FHIT: variants seen among roughly 807,000 people sequenced by gnomAD.
The protein encoded by FHIT is bis(5'-adenosyl)-triphosphatase.
A neutral mutation model predicts 17.9 loss-of-function variants in FHIT; 19 were observed. The ratio of observed to expected loss-of-function variants is 1.06; its 90% confidence interval spans 0.74 to 1.56. The LOEUF (loss-of-function observed/expected upper bound fraction) is 1.56. Among genes scored for constraint, FHIT ranks in the 40% most tolerant of loss-of-function variants. The pLI, the probability that FHIT is intolerant of heterozygous loss-of-function variation, is 0.00. For synonymous variants in FHIT, 81 were observed against 69.7 expected, an observed-to-expected ratio of 1.16 and a Z score of -0.81; for missense variants, 248 against 189.2, an observed-to-expected ratio of 1.31 and a Z score of -1.82.
intron 4 of FHIT, among the ~76,000 whole-genome samples, chr3:60,677,620 A>T (rs2040653390): frequency 9.3e-6 from 1 of 107,202 alleles, no homozygotes; most frequent in African/African-American, 3.3e-5. Context: ...ATGTGTATAC[A>T]TATGTATATG....
chr3:59,887,113 T>G (rs748851164), intron 8 of FHIT, among the ~76,000 whole-genome samples: 8 of 152,166 alleles, frequency 5.3e-5, no homozygotes, highest in Non-Finnish European at 1.2e-4. Context: ...AAAGCAATTG[T>G]GCAGGGATTC....
At chr3:60,814,881 G>T (rs1191963926) in intron 4 of FHIT, among the ~76,000 whole-genome samples, 2 of 145,804 alleles carry the variant, frequency 1.4e-5, no homozygotes, top group African/African-American at 2.5e-5. Flanking sequence ...GTTTTTTTTT[G>T]TTTGTTTAGT....
chr3:61,007,849 A>C (rs2031553289), intron 3 of FHIT, among the ~76,000 whole-genome samples: 1 of 152,056 alleles, frequency 6.6e-6, no homozygotes. Flanking sequence ...GGTTCTGGGG[A>C]GATATATCAC....
At chr3:60,708,887 G>T (rs1422587674) in intron 4 of FHIT, among the ~76,000 whole-genome samples, 1 of 152,162 alleles carries the variant, frequency 6.6e-6, no homozygotes, top group African/African-American at 2.4e-5. Flanking sequence ...CTCCATGGGG[G>T]GCTGTAGCTA....
At chr3:60,694,912 T>G (rs1316254285) in intron 4 of FHIT, among the ~76,000 whole-genome samples, 1 of 151,510 alleles carries the variant, frequency 6.6e-6, no homozygotes, top group East Asian at 1.9e-4. Flanking sequence ...CGGGGCCTGT[T>G]GTGGGGTGTG....
chr3:61,106,514 G>A (rs2035992880), intron 2 of FHIT, among the ~76,000 whole-genome samples: 1 of 151,936 alleles, frequency 6.6e-6, no homozygotes, highest in Non-Finnish European at 1.5e-5. Context: ...GCTTCTATGA[G>A]CTTGGCTTTT....
At chr3:60,506,376 C>G (rs1416142711) in intron 5 of FHIT, among the ~76,000 whole-genome samples, 2 of 152,250 alleles carry the variant, frequency 1.3e-5, no homozygotes, top group East Asian at 1.9e-4. Context: ...AATTATTTAT[C>G]ATATATTATC....
intron 5 of FHIT, among the ~76,000 whole-genome samples, chr3:60,347,464 A>C (rs532276135): frequency 2.0e-5 from 3 of 152,270 alleles, no homozygotes; most frequent in South Asian, 2.1e-4. Context: ...GGAAGCATCA[A>C]CTTAGCAAGT....
intron 2 of FHIT, among the ~76,000 whole-genome samples, chr3:61,134,001 T>C (rs78633182): frequency 0.051 from 7,727 of 151,808 alleles, 658 homozygotes; most frequent in African/African-American, 0.18. Flanking sequence ...GGCAGGAGAA[T>C]TGCTTTGAAC....
chr3:59,961,174 A>C (rs543102501), intron 7 of FHIT, among the ~76,000 whole-genome samples: 2 of 152,166 alleles, frequency 1.3e-5, no homozygotes, highest in African/African-American at 4.8e-5. Flanking sequence ...TATTAGGGCC[A>C]TTTTTCTCAT....
chr3:60,125,758 C>T lies in FHIT; in HGVS notation c.104-111606G>A, dbSNP rs139494422. 7.9e-5 allele frequency among the ~76,000 whole-genome samples: 12 copies of T among 152,026 alleles called. No homozygotes were observed. The East Asian group carries it at 1.7e-3, about 22-fold the overall frequency. On this transcript the variant is annotated intron_variant, in intron 5 of 9. Coordinates refer to ENST00000492590, the MANE Select transcript of FHIT (RefSeq NM_002012.4). The stretch of plus-strand genomic sequence containing the variant: ...ACAAAATGGGAGGAGTAGAGACACT[C>T]GGGAGGACTGCATTTGGCTTTATTC...
At chr3:61,000,240 T>TC (rs2030975836) in intron 3 of FHIT, among the ~76,000 whole-genome samples, 1 of 152,172 alleles carries the variant, frequency 6.6e-6, no homozygotes, top group South Asian at 2.1e-4. Flanking sequence ...AGTAGGGTGA[T>TC]AAGCCCTTAG....
intron 2 of FHIT, among the ~76,000 whole-genome samples, chr3:61,184,837 G>T (rs2038456262): frequency 6.6e-6 from 1 of 152,182 alleles, no homozygotes; most frequent in Non-Finnish European, 1.5e-5. Flanking sequence ...AACACGCTGT[G>T]TTTAAACAAG....
intron 5 of FHIT, among the ~76,000 whole-genome samples, chr3:60,305,533 C>T (rs1559804560): frequency 6.6e-6 from 1 of 152,132 alleles, no homozygotes; most frequent in Non-Finnish European, 1.5e-5. Context: ...AAACACTGTG[C>T]ATCTCCAATC....
rs558652901 is a variant in FHIT, at chr3:60,365,399, T to A, written c.103+171461A>T. ...AAAGTTGTTTTTCAGTAGTTCATTA[T>A]ATACTCACTGAGTTTTAAATTCTAT... On this transcript the variant is annotated intron_variant, in intron 5 of 9. Transcript: ENST00000492590. Among the ~76,000 whole-genome samples, 9 of 152,190 alleles carry A rather than the reference T, an allele frequency of 5.9e-5. 1 individual carries two copies. The South Asian group carries it at 1.9e-3, about 32-fold the overall frequency.
chr3:60,983,281 G>C (rs1035671394), intron 3 of FHIT, among the ~76,000 whole-genome samples: 8 of 152,048 alleles, frequency 5.3e-5, no homozygotes, highest in African/African-American at 1.9e-4. Flanking sequence ...AAGGAAGAGG[G>C]AGAGAAGAAG....
intron 4 of FHIT, among the ~76,000 whole-genome samples, chr3:60,545,548 C>G (rs1052272418): frequency 2.0e-5 from 3 of 152,148 alleles, no homozygotes; most frequent in Admixed American, 6.5e-5. Context: ...ACCTACTGTG[C>G]TTTTATTATC....
At chr3:59,849,039 T>C (rs534702660) in intron 8 of FHIT, among the ~76,000 whole-genome samples, 7 of 152,332 alleles carry the variant, frequency 4.6e-5, no homozygotes, top group East Asian at 3.9e-4. Flanking sequence ...TATCCCTTTA[T>C]AGGCAATCAA....
chr3:60,634,291 C>A (rs55988146), intron 4 of FHIT, among the ~76,000 whole-genome samples: 76,658 of 150,432 alleles, frequency 0.51, 19,478 homozygotes, highest in East Asian at 0.64. Flanking sequence ...TCTAAAACAA[C>A]AAAAAAAAAA....
Sources: gnomAD v4.1 joint callset for allele counts (sites outside exome capture counted in the v4.1 genomes callset) on GRCh38, gnomAD v4.1.1 for gene constraint, MANE v1.5 for transcripts, NCBI Gene and HGNC (gene_info 2026-07-23, HGNC 2026-07-21) for gene names.